Variants in FANCD2 observed in about 807,000 individuals in gnomAD.
FANCD2 encodes Fanconi anemia group D2 protein.
A neutral mutation model predicts 192.3 loss-of-function variants in FANCD2; 131 were observed. That is an observed-to-expected ratio of 0.68 (90% confidence interval 0.59 to 0.79). The LOEUF (loss-of-function observed/expected upper bound fraction) is 0.79. Among genes scored for constraint, FANCD2 ranks in the 30% least tolerant of loss-of-function variants. The pLI is 0.00. For missense variants in FANCD2, 1,508 were observed against 1,701.6 expected (o/e 0.89, Z 2.00); for synonymous variants, 524 against 612.5 (o/e 0.86, Z 2.13).
chr3:10,097,004 G>T (rs576343420), intron 42 of FANCD2, among the ~76,000 whole-genome samples: 2 of 152,086 alleles, frequency 1.3e-5, no homozygotes. Flanking sequence ...TGGGCGTCCG[G>T]GGGAGACATC....
At chr3:10,085,755 A>G (rs1694155474) in intron 32 of FANCD2, 57 bp from the exon 33 acceptor site, 1 of 1,098,126 alleles carries the variant, frequency 9.1e-7, no homozygotes, top group Non-Finnish European at 1.4e-6. Flanking sequence ...ATCCTTAAAT[A>G]CTATCCAAGT....
At chr3:10,094,970 A>G (rs925999214) in intron 40 of FANCD2, 8 of 551,472 alleles carry the variant, frequency 1.5e-5, no homozygotes, top group Non-Finnish European at 2.6e-5. Flanking sequence ...ATGTAAAACT[A>G]AAATGCAGGT....
intron 17 of FANCD2, among the ~76,000 whole-genome samples, chr3:10,051,956 G>T (rs1403301998): frequency 6.6e-6 from 1 of 152,072 alleles, no homozygotes; most frequent in Non-Finnish European, 1.5e-5. Flanking sequence ...ATATGGCAAG[G>T]AATAGGGTAA....
intron 32 of FANCD2, among the ~76,000 whole-genome samples, chr3:10,083,948 A>G (rs938544056): frequency 2.6e-5 from 4 of 151,314 alleles, no homozygotes; most frequent in East Asian, 2.0e-4. Flanking sequence ...ATTTTGAGCA[A>G]TTTAGCCTGT....
intron 18 of FANCD2, chr3:10,058,269 C>T: frequency 5.4e-6 from 1 of 186,796 alleles, no homozygotes; most frequent in South Asian, 1.0e-4. Flanking sequence ...ATCTTCTTAC[C>T]TTTCTCAGCA....
chr3:10,034,858 G>A, intron 5 of FANCD2, 60 bp downstream of exon 5: 1 of 1,203,300 alleles, frequency 8.3e-7, no homozygotes, highest in Non-Finnish European at 1.2e-6. Context: ...ACTTCATGGG[G>A]CTGGGGAGGG....
chr3:10,077,130 G>T (rs760838620), intron 29 of FANCD2, among the ~76,000 whole-genome samples: 4 of 143,424 alleles, frequency 2.8e-5, no homozygotes, highest in African/African-American at 1.2e-4. Context: ...CTACCTGGGC[G>T]GCTGAGGTGG....
chr3:10,072,367 C>T (rs1391625132), intron 26 of FANCD2, among the ~76,000 whole-genome samples: 2 of 151,480 alleles, frequency 1.3e-5, no homozygotes, highest in Non-Finnish European at 2.9e-5. Flanking sequence ...CAACCTCTGC[C>T]TCCTGGGTTC....
At chr3:10,063,373 G>GT (rs1437293417) in intron 20 of FANCD2, among the ~76,000 whole-genome samples, 1 of 151,084 alleles carries the variant, frequency 6.6e-6, no homozygotes, top group African/African-American at 2.4e-5. Context: ...GGAAGTGGAG[G>GT]TTGCAGTGAG....
intron 43 of FANCD2, 22 bp downstream of exon 43, chr3:10,098,837 G>A (rs1695134060): frequency 1.2e-6 from 2 of 1,614,062 alleles, no homozygotes; most frequent in African/African-American, 2.7e-5. Flanking sequence ...AAACCCACCA[G>A]AGTCTGGCAC....
chr3:10,038,307 A>C (rs1244475475), intron 7 of FANCD2, among the ~76,000 whole-genome samples: 1 of 151,980 alleles, frequency 6.6e-6, no homozygotes, highest in East Asian at 1.9e-4. Context: ...TTATTTTTTC[A>C]AATTTGTTTT....
intron 43 of FANCD2, chr3:10,099,229 A>G (rs947280173): frequency 3.3e-5 from 44 of 1,341,866 alleles, no homozygotes; most frequent in Middle Eastern, 2.9e-4. Flanking sequence ...GCCAAAGCAC[A>G]GAGTCAGAAG....
intron 3 of FANCD2, among the ~76,000 whole-genome samples, chr3:10,033,215 C>T (rs1348883302): frequency 1.3e-5 from 2 of 152,046 alleles, no homozygotes; most frequent in East Asian, 1.9e-4. Context: ...AATTTGCGAC[C>T]GGCCTGGGCA....
Position 10,031,237 on chromosome 3 carries a change from C to T in FANCD2, c.65-1595C>T, listed in dbSNP as rs75356275. On this transcript the variant is annotated intron_variant, in intron 2 of 43. Coordinates refer to ENST00000675286, the MANE Select transcript of FANCD2 (RefSeq NM_001018115.3). Reference sequence around the variant, plus strand: ...AGGGAAAGGAGGCCAGGCACGGTGGCTCACGCCTGTAATCCCAGCACTTTG... The same window carrying T: ...AGGGAAAGGAGGCCAGGCACGGTGGTTCACGCCTGTAATCCCAGCACTTTG... Among the ~76,000 whole-genome samples the T allele has an allele frequency of 2.6e-4, 39 of 152,262 alleles. No homozygotes were observed. In the East Asian group the frequency reaches 4.8e-3, roughly 19 times the overall value.
At chr3:10,041,367 G>C (rs2086859820) in intron 9 of FANCD2, 1 of 414,096 alleles carries the variant, frequency 2.4e-6, no homozygotes, top group Non-Finnish European at 4.5e-6. Flanking sequence ...AAACTAAATA[G>C]TGGTGTTCTC....
At chr3:10,058,491 C>A (rs1370030836) in intron 18 of FANCD2, among the ~76,000 whole-genome samples, 1 of 152,020 alleles carries the variant, frequency 6.6e-6, no homozygotes, top group Non-Finnish European at 1.5e-5. Context: ...GGTCTTTGAT[C>A]CACTTTGTGT....
At chr3:10,028,772 A>G (rs754613426) in intron 2 of FANCD2, 51 bp downstream of exon 2, 22 of 1,446,752 alleles carry the variant, frequency 1.5e-5, no homozygotes, top group Middle Eastern at 3.5e-4. Context: ...TGTGTGAGGC[A>G]TGTGAGAGAT....
Position 10,052,414 on chromosome 3 carries a change from T to C in FANCD2, c.1573T>C (p.Ser525Pro). 5 of 1,612,780 alleles carry C rather than the reference T, an allele frequency of 3.1e-6. No individual in the cohort carries two copies. The highest frequency in any genetic ancestry group is 4.2e-6 in the Non-Finnish European group (5 of 1,178,990). ...KGILDYLDNISPQQIRKLFYV... is the reference protein window; with the variant it reads ...KGILDYLDNIPPQQIRKLFYV... The stretch of plus-strand genomic sequence containing the variant: ...CATTTTAGATTATCTGGATAACATA[T>C]CCCCTCAGCAAATACGAAAACTCTT... Residue 525 changes from serine (S) to proline (P), a missense_variant, in exon 18 of 44, where the codon TCC (serine) becomes CCC (proline). Ser to Pro is a moderately conservative substitution (Grantham distance 74). This residue lies in a region of FANCD2 where 110 missense variants were observed against 114.4 expected (regional missense o/e 0.96). Transcript: ENST00000675286.
intron 10 of FANCD2, among the ~76,000 whole-genome samples, chr3:10,042,115 C>T (rs1405987346): frequency 1.3e-5 from 2 of 152,048 alleles, no homozygotes; most frequent in Admixed American, 1.3e-4. Flanking sequence ...CCAGGCTGGT[C>T]TTGAACTCCG....
Sources: allele counts gnomAD v4.1 joint callset (sites outside exome capture counted in the v4.1 genomes callset), GRCh38; gene constraint gnomAD v4.1.1; regional missense constraint gnomAD v4.1.1; transcripts MANE v1.5; gene names NCBI Gene and HGNC (gene_info 2026-07-23, HGNC 2026-07-21).